Variants in COL5A2 observed in about 807,000 individuals in gnomAD.
The protein encoded by COL5A2 is collagen type V alpha 2 chain, also known as collagen alpha-2(V) chain.
In COL5A2, 23 loss-of-function variants were observed where a neutral mutation model predicts 208.2. The observed-to-expected ratio is 0.11, with a 90% CI of 0.08 to 0.16. COL5A2 has a LOEUF of 0.16. COL5A2 is among the 10% of genes least tolerant of loss of function. The pLI is 1.00. For missense variants in COL5A2, 1,590 were observed against 1,956.4 expected, an observed-to-expected ratio of 0.81 and a Z score of 3.53; for synonymous variants, 625 against 628.5, an observed-to-expected ratio of 0.99 and a Z score of 0.08.
intron 42 of COL5A2, 115 bp from the exon 43 acceptor site, chr2:189,050,791 C>CT: frequency 2.3e-6 from 2 of 857,460 alleles, no homozygotes; most frequent in Non-Finnish European, 3.7e-6. Flanking sequence ...AAGAAGTTCT[C>CT]TGTTTCTCAA....
At chr2:189,149,752 G>A (rs1453719030) in intron 1 of COL5A2, among the ~76,000 whole-genome samples, 1 of 152,126 alleles carries the variant, frequency 6.6e-6, no homozygotes, top group African/African-American at 2.4e-5. Flanking sequence ...GTGTTTAGTG[G>A]TTTCAAGACT....
the COL5A2 span, among the ~76,000 whole-genome samples, chr2:189,439,911 C>G: frequency 6.6e-6 from 1 of 152,136 alleles, no homozygotes; most frequent in Non-Finnish European, 1.5e-5. Context: ...AAGTACCCAA[C>G]AAAGTCTTTA....
the COL5A2 span, among the ~76,000 whole-genome samples, chr2:189,383,562 G>A: frequency 6.6e-6 from 1 of 151,956 alleles, no homozygotes; most frequent in East Asian, 1.9e-4. Flanking sequence ...ATTATTTTAT[G>A]TTTCCTTTTC....
the COL5A2 span, among the ~76,000 whole-genome samples, chr2:189,248,421 G>A: frequency 6.6e-6 from 1 of 152,074 alleles, no homozygotes; most frequent in Non-Finnish European, 1.5e-5. Context: ...TGTAAAAATG[G>A]CAAGTTTATT....
chr2:189,081,949 G>A (rs984948853), intron 12 of COL5A2, among the ~76,000 whole-genome samples: 3 of 151,982 alleles, frequency 2.0e-5, no homozygotes, highest in Non-Finnish European at 2.9e-5. Context: ...TACCACTGCC[G>A]CCAGTATATT....
upstream of COL5A2, among the ~76,000 whole-genome samples, chr2:189,225,973 T>C (rs1231858599): frequency 6.6e-6 from 1 of 152,144 alleles, no homozygotes; most frequent in Non-Finnish European, 1.5e-5. Context: ...CTGCATGACT[T>C]TGAGAAAGTT....
chr2:189,148,036 G>C (rs1192683998), intron 1 of COL5A2, among the ~76,000 whole-genome samples: 1 of 152,104 alleles, frequency 6.6e-6, no homozygotes, highest in Non-Finnish European at 1.5e-5. Flanking sequence ...GATGCTCTTA[G>C]TATTAATAGA....
At chr2:189,104,374 C>T in intron 2 of COL5A2, 97 bp from the exon 3 acceptor site, 1 of 872,680 alleles carries the variant, frequency 1.1e-6, no homozygotes, top group Non-Finnish European at 1.9e-6. Flanking sequence ...CTTCTGGAGT[C>T]AGAATTACAG....
chr2:189,045,648 A>G (rs544674595), intron 46 of COL5A2, 152 bp downstream of exon 46: 1 of 720,918 alleles, frequency 1.4e-6, no homozygotes, highest in Admixed American at 2.1e-5. Flanking sequence ...ACTAAGAAAC[A>G]TATAGTAGTT....
chr2:189,302,571 C>T, the COL5A2 span, among the ~76,000 whole-genome samples: 1 of 152,120 alleles, frequency 6.6e-6, no homozygotes, highest in Non-Finnish European at 1.5e-5. Context: ...TTACAGAAAT[C>T]CCCATTATGT....
At chr2:189,305,681 C>G in the COL5A2 span, among the ~76,000 whole-genome samples, 1 of 152,088 alleles carries the variant, frequency 6.6e-6, no homozygotes, top group African/African-American at 2.4e-5. Flanking sequence ...CACCAAATGT[C>G]CAATCTGCCA....
chr2:189,235,326 CTAAA>C, the COL5A2 span, among the ~76,000 whole-genome samples: 1 of 151,660 alleles, frequency 6.6e-6, no homozygotes, highest in African/African-American at 2.4e-5. Context: ...TTCCTTCTGC[CTAAA>C]TAAATATATG....
rs72902330 is a variant in COL5A2, at chr2:189,039,687, C to T, written c.3634-124G>A. Reference sequence around the variant, plus strand: ...TTTGACAGTAAAGGGAGATCTATGACTCGCGCCCTTTTGTAACTAGATGGG... The same window carrying T: ...TTTGACAGTAAAGGGAGATCTATGATTCGCGCCCTTTTGTAACTAGATGGG... On this transcript the variant is annotated intron_variant, in intron 50 of 53. Transcript: ENST00000374866. 0.097 allele frequency: 89,810 copies of T among 922,456 alleles called. 4,987 individuals carry two copies. Among genetic ancestry groups the T allele is most frequent in the South Asian group, 0.16 (9,375 of 59,388 alleles). 57.1% of individuals were successfully genotyped at this position (922,456 alleles called of 1,614,324 possible). A position where few individuals can be genotyped will look rare whatever the true frequency, so the allele number is the denominator to read the frequency against.
chr2:189,116,278 T>C (rs1323150928), intron 1 of COL5A2, among the ~76,000 whole-genome samples: 6 of 152,208 alleles, frequency 3.9e-5, no homozygotes, highest in Admixed American at 3.9e-4. Flanking sequence ...CTGCCTTTAG[T>C]AATGCACAGC....
At chr2:189,237,050 T>A in the COL5A2 span, among the ~76,000 whole-genome samples, 1 of 151,770 alleles carries the variant, frequency 6.6e-6, no homozygotes, top group Non-Finnish European at 1.5e-5. Flanking sequence ...CTTTCTTTTT[T>A]CTTGAAGCCC....
chr2:189,052,994 T>C lies in COL5A2; in HGVS notation c.2578A>G (p.Lys860Glu), dbSNP rs1293806327. The C allele has an allele frequency of 1.2e-6, 2 of 1,614,100 alleles. No homozygotes were observed. Among genetic ancestry groups the C allele is most frequent in the African/African-American group, 2.7e-5 (2 of 75,032 alleles). Residue 860 changes from lysine (K) to glutamate (E), a missense_variant, in exon 39 of 54, where the codon AAA becomes GAA. Lys to Glu is a moderately conservative substitution (Grantham distance 56). Coordinates refer to ENST00000374866, the MANE Select transcript of COL5A2 (RefSeq NM_000393.5). Reference sequence around the variant, plus strand: ...TGTCCTGGCTCTCCAGGTTCACCTTTTACTCCAGGCTGTCCGTCAGGACCC... The same window carrying C: ...TGTCCTGGCTCTCCAGGTTCACCTTCTACTCCAGGCTGTCCGTCAGGACCC... ...PQGPDGQPGV[K>E]GEPGEPGQKG...
At chr2:189,297,623 C>A in the COL5A2 span, among the ~76,000 whole-genome samples, 1 of 152,102 alleles carries the variant, frequency 6.6e-6, no homozygotes, top group African/African-American at 2.4e-5. Flanking sequence ...TTTAAATGTT[C>A]TTACATAGAA....
In COL5A2 at chr2:189,206,316, C is replaced by T. The variant is rs945957667; in HGVS notation, c.-42+18832G>A. On this transcript the variant is annotated intron_variant, in intron 1 of 10. Transcript: ENST00000649966. ...ATTCAACAAAGCAGTAGATGTACAG[C>T]ATCCCAGACCAAATTCTGCTGTCTT... is the stretch of plus-strand genomic sequence containing the variant. Among the ~76,000 whole-genome samples, 5 of 152,292 alleles carry T rather than the reference C, an allele frequency of 3.3e-5. No homozygotes were observed. In the South Asian group the frequency reaches 8.3e-4, roughly 25 times the overall value.
chr2:189,099,058 C>T (rs1004830443), intron 4 of COL5A2, among the ~76,000 whole-genome samples: 34 of 152,128 alleles, frequency 2.2e-4, no homozygotes, highest in African/African-American at 8.0e-4. Flanking sequence ...ATTACTTATC[C>T]TCTCTGTTCT....
Sources: gnomAD v4.1 joint callset for allele counts (sites outside exome capture counted in the v4.1 genomes callset) on GRCh38, gnomAD v4.1.1 for gene constraint, MANE v1.5 for transcripts, NCBI Gene and HGNC (gene_info 2026-07-23, HGNC 2026-07-21) for gene names.